The following RPS6KB1 variants were observed in gnomAD, a reference collection of about 807,000 sequenced individuals.
RPS6KB1 encodes ribosomal protein S6 kinase beta-1.
Under a neutral mutation model 70.2 loss-of-function variants are expected in RPS6KB1, and 12 were observed. The observed-to-expected ratio is 0.17, with a 90% CI of 0.11 to 0.28. The LOEUF (loss-of-function observed/expected upper bound fraction) is 0.28. RPS6KB1 is among the 10% of genes least tolerant of loss of function. The pLI is 1.00. For missense variants in RPS6KB1, 270 were observed against 646.6 expected (o/e 0.42, Z 6.32); for synonymous variants, 175 against 211.2 (o/e 0.83, Z 1.49).
At position 59,934,368 on chromosome 17, in the gene RPS6KB1, T is replaced by C. The variant is rs2044116576; in HGVS notation, c.780-66T>C. The C allele has an allele frequency of 2.0e-6, 3 of 1,515,414 alleles. No individual in the cohort carries two copies. The highest frequency in any genetic ancestry group is 2.7e-6 in the Non-Finnish European group (3 of 1,091,334). 93.9% of individuals were successfully genotyped at this position (1,515,414 alleles called of 1,614,324 possible). The stretch of plus-strand genomic sequence containing the variant: ...CCTCATTGACTCTGTATATTGTTTT[T>C]AAAATTCTAATTCAGATGATATGCA... On this transcript the variant is annotated intron_variant, in intron 8 of 14. Transcript: ENST00000225577. This position sits in a 1 kb window ranked among gnomAD's most constrained non-coding sequence, Gnocchi z 4.8.
At chr17:59,942,138 G>A (rs1271550707) in intron 13 of RPS6KB1, among the ~76,000 whole-genome samples, 4 of 152,012 alleles carry the variant, frequency 2.6e-5, no homozygotes, top group Admixed American at 2.0e-4. Flanking sequence ...GATTACAGGC[G>A]TAAGCCACCA....
At chr17:59,914,510 G>C (rs981249118) in intron 3 of RPS6KB1, 125 bp from the exon 4 acceptor site, 4 of 749,872 alleles carry the variant, frequency 5.3e-6, no homozygotes, top group Non-Finnish European at 9.3e-6. Flanking sequence ...TCTTTTAGCT[G>C]ATCATTTTTG....
rs2042576304 is a variant in RPS6KB1, at chr17:59,910,621, T to A, written c.191+10T>A. 1 of 1,546,040 alleles carries A rather than the reference T, an allele frequency of 6.5e-7. No individual in the cohort carries two copies. Among genetic ancestry groups the A allele is most frequent in the Admixed American group, 1.8e-5 (1 of 55,386 alleles). On this transcript the variant is annotated intron_variant, in intron 2 of 14. Coordinates refer to ENST00000225577, the MANE Select transcript of RPS6KB1 (RefSeq NM_003161.4). ...TTGGACCATATGAACTGTAAGTTTA[T>A]ATGAAGAGATTTTCATTGTGTTGTC...
At chr17:59,909,963 G>A (rs2042534301) in intron 1 of RPS6KB1, among the ~76,000 whole-genome samples, 1 of 152,042 alleles carries the variant, frequency 6.6e-6, no homozygotes. Flanking sequence ...AGTGAGCCGA[G>A]ATGGCGCCAC....
At position 59,932,550 on chromosome 17, in the gene RPS6KB1, CT is replaced by C. The variant is rs11390348; in HGVS notation, c.688+846del. ...ATGATGTTTAGTAGGCATCAGGTTA[CT>C]TTTTTTTTTTTTTTTTTGAGATGGG... On this transcript the variant is annotated intron_variant, in intron 7 of 14. Coordinates refer to ENST00000225577, the MANE Select transcript of RPS6KB1 (RefSeq NM_003161.4). Among the ~76,000 whole-genome samples the C allele has an allele frequency of 4.5e-3, 581 of 130,262 alleles. 6 individuals are homozygous for C. The highest frequency in any genetic ancestry group is 0.035 in the East Asian group (156 of 4,512). The allele number at this position is 130,262 out of a possible 152,430, so 85.5% of individuals were successfully genotyped here. A position where few individuals can be genotyped will look rare whatever the true frequency, so the allele number is the denominator to read the frequency against.
intron 4 of RPS6KB1, among the ~76,000 whole-genome samples, chr17:59,919,125 A>G (rs2043126907): frequency 1.3e-5 from 2 of 152,144 alleles, no homozygotes; most frequent in South Asian, 4.1e-4. Context: ...GATTATTCAT[A>G]TTTAAGAGTA....
intron 5 of RPS6KB1, among the ~76,000 whole-genome samples, chr17:59,929,297 A>AT (rs1415266541): frequency 8.6e-5 from 13 of 151,864 alleles, no homozygotes; most frequent in Non-Finnish European, 1.8e-4. Context: ...CACCCAGCTA[A>AT]TTTTTTTATT....
chr17:59,930,749 T>C (rs1293971271), intron 6 of RPS6KB1: 1 of 151,724 alleles, frequency 6.6e-6, no homozygotes, highest in Non-Finnish European at 1.5e-5. Flanking sequence ...AACACTTAAA[T>C]GTTTTTTTCT....
chr17:59,918,362 T>G (rs562711717), intron 4 of RPS6KB1, among the ~76,000 whole-genome samples: 2 of 152,096 alleles, frequency 1.3e-5, no homozygotes, highest in Non-Finnish European at 2.9e-5. Context: ...TTTTATTTTT[T>G]TTTAATGTTT....
chr17:59,914,992 C>CTTT (rs748670403), intron 4 of RPS6KB1, among the ~76,000 whole-genome samples: 1 of 142,900 alleles, frequency 7.0e-6, no homozygotes. Context: ...ATTTTCTTTT[C>CTTT]TTTTTTTTTT....
chr17:59,919,712 C>T (rs538945888), intron 4 of RPS6KB1, among the ~76,000 whole-genome samples: 4 of 151,300 alleles, frequency 2.6e-5, no homozygotes, highest in African/African-American at 7.3e-5. Flanking sequence ...GTTAGTTCTT[C>T]GACTTAGTAT....
chr17:59,896,615 G>C (rs1490688482), intron 1 of RPS6KB1, among the ~76,000 whole-genome samples: 1 of 152,142 alleles, frequency 6.6e-6, no homozygotes. Flanking sequence ...GTACAAGCAA[G>C]TAGGATTTTG....
Position 59,893,800 on chromosome 17 carries a change from C to T in RPS6KB1, c.141+475C>T. The T allele has an allele frequency of 2.0e-6, 2 of 988,296 alleles. No homozygotes were observed. Among genetic ancestry groups the T allele is most frequent in the South Asian group, 9.2e-5 (2 of 21,714 alleles). The allele number at this position is 988,296 out of a possible 1,614,324, so 61.2% of individuals were successfully genotyped here. Reference sequence around the variant, plus strand: ...GGCCTGTCGCTTCTCTCCTAGGAAGCGCTCAGCTGTTAGAAGTGACAGCTG... The same window carrying T: ...GGCCTGTCGCTTCTCTCCTAGGAAGTGCTCAGCTGTTAGAAGTGACAGCTG... On this transcript the variant is annotated intron_variant, in intron 1 of 14. Coordinates refer to ENST00000225577, the MANE Select transcript of RPS6KB1 (RefSeq NM_003161.4). The surrounding 1 kb of genome is among the most constrained non-coding windows in gnomAD (Gnocchi z 4.1).
intron 1 of RPS6KB1, among the ~76,000 whole-genome samples, chr17:59,896,193 T>C (rs928777945): frequency 1.3e-5 from 2 of 152,032 alleles, no homozygotes; most frequent in Admixed American, 6.6e-5. Context: ...TATTTTATTT[T>C]ATTTTTTTTT....
In RPS6KB1 at chr17:59,893,172, C is replaced by G; in HGVS notation, c.-13C>G. 1 of 1,556,414 alleles carries G rather than the reference C, an allele frequency of 6.4e-7. No individual in the cohort carries two copies. Among genetic ancestry groups the G allele is most frequent in the Non-Finnish European group, 8.7e-7 (1 of 1,151,380 alleles). ...GCGGCAGCGGCTGTGGTGGCTGCGGCGGGTCCGGGCCCATGAGGCGACGAA... is the reference window on the plus strand; with the variant it reads ...GCGGCAGCGGCTGTGGTGGCTGCGGGGGGTCCGGGCCCATGAGGCGACGAA... On this transcript the variant is annotated 5_prime_UTR_variant, in exon 1 of 15. Transcript: ENST00000225577. The surrounding 1 kb of genome is among the most constrained non-coding windows in gnomAD (Gnocchi z 4.1).
chr17:59,911,288 G>A (rs2042617481), intron 2 of RPS6KB1, among the ~76,000 whole-genome samples: 1 of 152,218 alleles, frequency 6.6e-6, no homozygotes, highest in Admixed American at 6.5e-5. Flanking sequence ...AGTGTAGGAG[G>A]AGAATGAGAA....
chr17:59,910,212 C>T (rs1266437855), intron 1 of RPS6KB1, among the ~76,000 whole-genome samples: 3 of 151,302 alleles, frequency 2.0e-5, no homozygotes, highest in Non-Finnish European at 3.0e-5. Context: ...AAAAAAAACC[C>T]GGGTGCCTAT....
intron 10 of RPS6KB1, 37 bp from the exon 11 acceptor site, chr17:59,936,178 T>C: frequency 6.4e-7 from 1 of 1,570,728 alleles, no homozygotes; most frequent in South Asian, 1.2e-5. Context: ...TCAGTTTGAC[T>C]AAGGTTCTTT....
chr17:59,924,257 A>G (rs2043457884), intron 4 of RPS6KB1, among the ~76,000 whole-genome samples: 1 of 152,108 alleles, frequency 6.6e-6, no homozygotes, highest in South Asian at 2.1e-4. Context: ...TGAACCTGGG[A>G]GGCGGAGGTT....
Sources: gnomAD v4.1 joint callset for allele counts (sites outside exome capture counted in the v4.1 genomes callset) on GRCh38, gnomAD v4.1.1 for gene constraint, Gnocchi (gnomAD v3.1) non-coding constraint, MANE v1.5 for transcripts, NCBI Gene and HGNC (gene_info 2026-07-23, HGNC 2026-07-21) for gene names.